The following TAFA2 variants were observed in gnomAD, a reference collection of about 807,000 sequenced individuals.
TAFA2 encodes the protein TAFA chemokine like family member 2, also known as chemokine-like protein TAFA-2.
TAFA2 carries 7 observed loss-of-function variants against 18.8 expected under a neutral mutation model. The observed-to-expected ratio is 0.37, with a 90% CI of 0.21 to 0.70. TAFA2 has a LOEUF of 0.70. TAFA2 is among the 30% of genes least tolerant of loss of function. The pLI, the probability that TAFA2 is intolerant of heterozygous loss-of-function variation, is 0.53. For synonymous variants in TAFA2, 60 were observed against 54.2 expected (o/e 1.11, Z -0.47); for missense variants, 122 against 158.1 (o/e 0.77, Z 1.23).
chr12:62,047,661 T>A (rs1017488891), intron 1 of TAFA2, among the ~76,000 whole-genome samples: 4 of 152,172 alleles, frequency 2.6e-5, no homozygotes, highest in African/African-American at 9.6e-5. Context: ...AACCATGTAA[T>A]TAATAAATCA....
chr12:62,014,694 A>C lies in TAFA2; in HGVS notation c.-1-147268T>G, dbSNP rs116031560. On this transcript the variant is annotated intron_variant, in intron 1 of 4. Coordinates refer to ENST00000416284, the MANE Select transcript of TAFA2 (RefSeq NM_178539.5). ...GTCAGTAATTTTCTTCTTGGCTGCC[A>C]TAGTTAAACAGGCCATAAAGAAACT... Among the ~76,000 whole-genome samples the C allele has an allele frequency of 7.7e-3, 1,169 of 152,296 alleles. 16 individuals are homozygous for C. Among genetic ancestry groups the C allele is most frequent in the African/African-American group, 0.027 (1,119 of 41,566 alleles).
intron 1 of TAFA2, among the ~76,000 whole-genome samples, chr12:62,176,196 A>G (rs545807765): frequency 1.3e-4 from 20 of 152,332 alleles, no homozygotes; most frequent in African/African-American, 4.6e-4. Flanking sequence ...GTTACAAATA[A>G]AATTAATTTA....
intron 2 of TAFA2, among the ~76,000 whole-genome samples, chr12:61,802,353 A>G (rs1592398613): frequency 6.6e-6 from 1 of 152,090 alleles, no homozygotes; most frequent in East Asian, 1.9e-4. Flanking sequence ...ATATGGAATC[A>G]ACATAAATGT....
intron 1 of TAFA2, among the ~76,000 whole-genome samples, chr12:61,900,857 T>A (rs1232143205): frequency 6.6e-6 from 1 of 152,196 alleles, no homozygotes; most frequent in Non-Finnish European, 1.5e-5. Context: ...TAATGATGCT[T>A]GTTTTTAACC....
At chr12:61,837,735 T>A (rs1291243245) in intron 2 of TAFA2, among the ~76,000 whole-genome samples, 2 of 152,034 alleles carry the variant, frequency 1.3e-5, no homozygotes, top group Non-Finnish European at 2.9e-5. Flanking sequence ...AAACTTACAT[T>A]CTAGCAGGGG....
chr12:61,998,521 G>T (rs557773053), intron 1 of TAFA2, among the ~76,000 whole-genome samples: 2 of 152,058 alleles, frequency 1.3e-5, no homozygotes, highest in South Asian at 4.1e-4. Context: ...TAACTGATAT[G>T]CATATATAAA....
intron 1 of TAFA2, among the ~76,000 whole-genome samples, chr12:61,961,252 A>G (rs1331578526): frequency 6.6e-6 from 1 of 151,920 alleles, no homozygotes; most frequent in Non-Finnish European, 1.5e-5. Context: ...TGATCCAATC[A>G]TCCCCTACCC....
chr12:62,258,851 A>G, upstream of TAFA2: 1 of 233,828 alleles, frequency 4.3e-6, no homozygotes. Context: ...GACTGGAAAA[A>G]GGGGGAAAAT....
At chr12:61,903,212 A>T (rs1277675508) in intron 1 of TAFA2, among the ~76,000 whole-genome samples, 1 of 151,976 alleles carries the variant, frequency 6.6e-6, no homozygotes, top group Non-Finnish European at 1.5e-5. Context: ...CAACCTCCTT[A>T]CCATAACCTA....
intron 2 of TAFA2, among the ~76,000 whole-genome samples, chr12:61,762,607 T>C (rs1201749433): frequency 1.3e-5 from 2 of 149,786 alleles, no homozygotes; most frequent in African/African-American, 2.4e-5. Context: ...GTTATCTACA[T>C]TCTATAGAAG....
intron 1 of TAFA2, among the ~76,000 whole-genome samples, chr12:62,060,127 C>T (rs1327782043): frequency 6.6e-6 from 1 of 152,214 alleles, no homozygotes; most frequent in Non-Finnish European, 1.5e-5. Context: ...ACTGAGGATA[C>T]AGGCTTTTAG....
intron 1 of TAFA2, among the ~76,000 whole-genome samples, chr12:62,156,598 T>C (rs2062371248): frequency 6.6e-6 from 1 of 152,112 alleles, no homozygotes; most frequent in African/African-American, 2.4e-5. Flanking sequence ...ATATATAATA[T>C]ATATGATGAA....
chr12:61,928,138 A>G (rs1360174758), intron 1 of TAFA2, among the ~76,000 whole-genome samples: 6 of 152,238 alleles, frequency 3.9e-5, no homozygotes, highest in Non-Finnish European at 7.3e-5. Flanking sequence ...AATCAATGGC[A>G]ACGAAGCCAA....
chr12:62,051,930 AACT>A (rs1882064873), intron 1 of TAFA2, among the ~76,000 whole-genome samples: 1 of 152,152 alleles, frequency 6.6e-6, no homozygotes, highest in Non-Finnish European at 1.5e-5. Context: ...TCTCTGTTGC[AACT>A]ACTAAGTCTG....
chr12:62,198,454 G>C (rs892970719), intron 1 of TAFA2: 3 of 152,170 alleles, frequency 2.0e-5, no homozygotes, highest in Admixed American at 6.6e-5. Context: ...AAGAGAGATA[G>C]AATAAGGAGA....
At chr12:61,916,763 C>A (rs1040487131) in intron 1 of TAFA2, among the ~76,000 whole-genome samples, 1 of 151,290 alleles carries the variant, frequency 6.6e-6, no homozygotes, top group African/African-American at 2.4e-5. Flanking sequence ...AGTGTAGATT[C>A]AAGATAAATA....
intron 4 of TAFA2, among the ~76,000 whole-genome samples, chr12:61,740,439 A>G (rs1422713970): frequency 6.6e-6 from 1 of 151,774 alleles, no homozygotes; most frequent in Non-Finnish European, 1.5e-5. Flanking sequence ...CTATGTACAA[A>G]CCTGCACGTT....
intron 1 of TAFA2, among the ~76,000 whole-genome samples, chr12:62,167,398 T>C (rs1024192964): frequency 6.6e-6 from 1 of 152,226 alleles, no homozygotes; most frequent in Non-Finnish European, 1.5e-5. Context: ...TGTTAACTAA[T>C]GTTACGTGCT....
At chr12:62,098,261 G>C (rs1869032616) in intron 1 of TAFA2, among the ~76,000 whole-genome samples, 1 of 152,098 alleles carries the variant, frequency 6.6e-6, no homozygotes, top group Non-Finnish European at 1.5e-5. Context: ...GTTTCAGCAG[G>C]ATTCAAGAGT....
Sources: allele counts gnomAD v4.1 joint callset (sites outside exome capture counted in the v4.1 genomes callset), GRCh38; gene constraint gnomAD v4.1.1; transcripts MANE v1.5; gene names NCBI Gene and HGNC (gene_info 2026-07-23, HGNC 2026-07-21).